RARB: variants seen among roughly 807,000 people sequenced by gnomAD.
The protein encoded by RARB is retinoic acid receptor beta, also known as HBV-activated protein.
RARB carries 17 observed loss-of-function variants against 51.9 expected under a neutral mutation model. The observed-to-expected ratio is 0.33, with a 90% CI of 0.22 to 0.49. RARB has a LOEUF of 0.49. RARB is among the 20% of genes least tolerant of loss of function. The pLI is 0.99. For synonymous variants in RARB, 215 were observed against 195.4 expected, an observed-to-expected ratio of 1.10 and a Z score of -0.84; for missense variants, 369 against 550.8, an observed-to-expected ratio of 0.67 and a Z score of 3.30.
At chr3:25,007,600 A>AAAAAAAAAAAAAAAAAAAAAAAC (rs1342393781) in intron 2 of RARB, among the ~76,000 whole-genome samples, 8 of 143,260 alleles carry the variant, frequency 5.6e-5, no homozygotes, top group African/African-American at 2.2e-4. Flanking sequence ...CTCAAAAAAA[A>AAAAAAAAAAAAAAAAAAAAAAAC]AAAACAAAAA....
At chr3:25,106,381 T>A (rs1404783781) in intron 3 of RARB, among the ~76,000 whole-genome samples, 5 of 146,868 alleles carry the variant, frequency 3.4e-5, no homozygotes, top group East Asian at 2.0e-4. Context: ...ATTCAGGTGA[T>A]CCTCCTGCCT....
intron 5 of RARB, among the ~76,000 whole-genome samples, chr3:25,299,320 C>G (rs1703986690): frequency 6.6e-6 from 1 of 152,140 alleles, no homozygotes; most frequent in Admixed American, 6.5e-5. Flanking sequence ...ACCTCAGCCT[C>G]CCAAGTACCT....
intron 2 of RARB, among the ~76,000 whole-genome samples, chr3:24,913,435 C>A (rs1172461645): frequency 1.5e-5 from 2 of 130,982 alleles, no homozygotes; most frequent in East Asian, 2.3e-4. Context: ...CAGAGATCGT[C>A]TATAGTACTA....
intron 5 of RARB, among the ~76,000 whole-genome samples, chr3:25,180,614 A>T (rs1700842169): frequency 6.6e-6 from 1 of 152,206 alleles, no homozygotes; most frequent in Non-Finnish European, 1.5e-5. Flanking sequence ...TATCCCAGGA[A>T]GTCCCACAAA....
chr3:25,146,304 T>C (rs1244845162), intron 4 of RARB, among the ~76,000 whole-genome samples: 1 of 152,158 alleles, frequency 6.6e-6, no homozygotes, highest in Non-Finnish European at 1.5e-5. Context: ...ATGGGCCAGA[T>C]AGTAAATATT....
At chr3:25,101,760 A>G (rs1240897318) in intron 3 of RARB, among the ~76,000 whole-genome samples, 4 of 151,868 alleles carry the variant, frequency 2.6e-5, no homozygotes, top group African/African-American at 9.7e-5. Context: ...ACTTTTTGAA[A>G]GGCTATTTGT....
chr3:25,465,636 A>G (rs750515458), intron 2 of RARB, among the ~76,000 whole-genome samples: 1 of 152,146 alleles, frequency 6.6e-6, no homozygotes, highest in African/African-American at 2.4e-5. Flanking sequence ...CTGGGAATGA[A>G]TGGTCAGCGG....
At chr3:25,492,735 C>T (rs1447211853) in intron 2 of RARB, among the ~76,000 whole-genome samples, 13 of 152,286 alleles carry the variant, frequency 8.5e-5, no homozygotes, top group South Asian at 4.1e-4. Context: ...CATTTTTCTA[C>T]GCATATTTTC....
intron 2 of RARB, among the ~76,000 whole-genome samples, 173 bp from the exon 3 acceptor site, chr3:25,501,009 G>A (rs547072994): frequency 6.6e-6 from 1 of 152,238 alleles, no homozygotes; most frequent in East Asian, 1.9e-4. Flanking sequence ...TTGCAACAAA[G>A]GAAGAAACTA....
At chr3:25,230,313 G>T (rs141292467) in intron 5 of RARB, among the ~76,000 whole-genome samples, 5 of 152,190 alleles carry the variant, frequency 3.3e-5, no homozygotes, top group African/African-American at 1.2e-4. Context: ...GGATTCCTAA[G>T]AAATGAAGTG....
intron 2 of RARB, among the ~76,000 whole-genome samples, chr3:25,055,729 G>C (rs1277218812): frequency 6.6e-6 from 1 of 152,096 alleles, no homozygotes; most frequent in East Asian, 1.9e-4. Context: ...ACTTCGGTTT[G>C]ATCCTGCTCA....
chr3:25,325,903 C>T (rs1394397464), intron 5 of RARB, among the ~76,000 whole-genome samples: 2 of 152,142 alleles, frequency 1.3e-5, no homozygotes, highest in African/African-American at 4.8e-5. Flanking sequence ...CTTATGGACT[C>T]AGTTTTAGCT....
At chr3:25,274,992 C>G (rs1331553536) in intron 5 of RARB, among the ~76,000 whole-genome samples, 1 of 152,178 alleles carries the variant, frequency 6.6e-6, no homozygotes, top group Admixed American at 6.5e-5. Flanking sequence ...TGTAAGGATA[C>G]TTAGCTGATC....
At chr3:25,561,395 T>C (rs1173294414) in intron 3 of RARB, among the ~76,000 whole-genome samples, 1 of 152,220 alleles carries the variant, frequency 6.6e-6, no homozygotes. Context: ...AGATTATTGC[T>C]GTGTAACAAA....
intron 2 of RARB, among the ~76,000 whole-genome samples, chr3:25,024,223 T>C (rs1452008598): frequency 1.3e-5 from 2 of 152,222 alleles, no homozygotes. Context: ...TGAGAAACTT[T>C]AGATCTGTCT....
At chr3:25,510,476 A>C (rs955944793) in intron 3 of RARB, among the ~76,000 whole-genome samples, 3 of 151,996 alleles carry the variant, frequency 2.0e-5, no homozygotes, top group African/African-American at 4.8e-5. Flanking sequence ...ATACAAAAAA[A>C]TTAGCCGGGC....
intron 3 of RARB, among the ~76,000 whole-genome samples, chr3:25,093,437 G>A (rs993570583): frequency 6.6e-6 from 1 of 152,012 alleles, no homozygotes; most frequent in African/African-American, 2.4e-5. Flanking sequence ...TTATTCCTAG[G>A]CTTGGGCCAA....
At chr3:24,928,851 A>C (rs1334320541) in intron 2 of RARB, among the ~76,000 whole-genome samples, 1 of 152,070 alleles carries the variant, frequency 6.6e-6, no homozygotes, top group African/African-American at 2.4e-5. Flanking sequence ...TGGCTTAACT[A>C]AGCATCCTTA....
At chr3:25,552,109 A>G (rs914069448) in intron 3 of RARB, among the ~76,000 whole-genome samples, 2 of 152,086 alleles carry the variant, frequency 1.3e-5, no homozygotes, top group African/African-American at 4.8e-5. Flanking sequence ...GCCAATAATC[A>G]TAGTTGACCA....
Sources: allele counts gnomAD v4.1 joint callset (sites outside exome capture counted in the v4.1 genomes callset), GRCh38; gene constraint gnomAD v4.1.1; transcripts MANE v1.5; gene names NCBI Gene and HGNC (gene_info 2026-07-23, HGNC 2026-07-21).